ERBB4: variants seen among roughly 807,000 people sequenced by gnomAD.
ERBB4 encodes erb-b2 receptor tyrosine kinase 4, also known as receptor tyrosine-protein kinase erbB-4.
In ERBB4, 42 loss-of-function variants were observed where a neutral mutation model predicts 158.0. That is an observed-to-expected ratio of 0.27 (90% CI 0.21 to 0.34). The LOEUF is 0.34. ERBB4 is among the 10% of genes least tolerant of loss of function. ERBB4 has a pLI of 1.00. For missense variants in ERBB4, 1,333 were observed against 1,624.1 expected, an observed-to-expected ratio of 0.82 and a Z score of 3.08; for synonymous variants, 583 against 558.7, an observed-to-expected ratio of 1.04 and a Z score of -0.61.
intron 1 of ERBB4, among the ~76,000 whole-genome samples, chr2:212,408,755 T>G (rs960920220): frequency 9.2e-5 from 14 of 152,288 alleles, no homozygotes; most frequent in African/African-American, 3.4e-4. Flanking sequence ...TAGGATTTTT[T>G]CAAAGCTTCC....
At chr2:212,179,820 T>C (rs1226412032) in intron 1 of ERBB4, among the ~76,000 whole-genome samples, 1 of 151,626 alleles carries the variant, frequency 6.6e-6, no homozygotes, top group Non-Finnish European at 1.5e-5. Context: ...GTTGATCCTA[T>C]TGAATTACTG....
At chr2:211,751,138 A>G (rs1357206614) in intron 4 of ERBB4, among the ~76,000 whole-genome samples, 1 of 152,238 alleles carries the variant, frequency 6.6e-6, no homozygotes, top group Non-Finnish European at 1.5e-5. Context: ...AATCTATGAG[A>G]ACAAGAATAT....
chr2:212,016,473 T>G (rs950418733), intron 2 of ERBB4, among the ~76,000 whole-genome samples: 15 of 152,146 alleles, frequency 9.9e-5, no homozygotes, highest in African/African-American at 2.7e-4. Context: ...GCAGCTTTTA[T>G]TTTAAATTTA....
intron 1 of ERBB4, among the ~76,000 whole-genome samples, chr2:212,229,263 G>C (rs2083583291): frequency 6.6e-6 from 1 of 152,118 alleles, no homozygotes; most frequent in Non-Finnish European, 1.5e-5. Context: ...AACTAACCAA[G>C]TAAAAGGGGA....
intron 1 of ERBB4, among the ~76,000 whole-genome samples, chr2:212,527,173 T>C (rs964580318): frequency 6.6e-6 from 1 of 152,014 alleles, no homozygotes; most frequent in African/African-American, 2.4e-5. Context: ...AAATAAACCA[T>C]CTTAAAAACA....
intron 20 of ERBB4, among the ~76,000 whole-genome samples, chr2:211,476,368 G>T (rs557535007): frequency 6.6e-6 from 1 of 152,066 alleles, no homozygotes. Context: ...AGACAAAAGA[G>T]AATCACTGGG....
intron 3 of ERBB4, among the ~76,000 whole-genome samples, chr2:211,928,621 ACTGT>A (rs1452187697): frequency 2.0e-5 from 3 of 152,128 alleles, no homozygotes; most frequent in Non-Finnish European, 4.4e-5. Context: ...TTCTTTGCAA[ACTGT>A]CTGTTATGAA....
At chr2:211,921,710 G>A (rs1436527443) in intron 3 of ERBB4, among the ~76,000 whole-genome samples, 3 of 152,032 alleles carry the variant, frequency 2.0e-5, no homozygotes, top group Non-Finnish European at 4.4e-5. Context: ...GGATTGTCAG[G>A]GAAAGCCCTC....
chr2:211,575,917 T>C (rs1287228859), intron 19 of ERBB4, among the ~76,000 whole-genome samples: 1 of 152,142 alleles, frequency 6.6e-6, no homozygotes, highest in African/African-American at 2.4e-5. Context: ...TTATCTCCTC[T>C]ACTTTTATAA....
chr2:211,485,865 A>C lies in ERBB4; in HGVS notation c.2488-54765T>G, dbSNP rs537418893. Reference sequence around the variant, plus strand: ...AAAACTTAAAGTATAATAAAAAAAGAAAAAGAAAAGAAATAAAAGGCATTA... The same window carrying C: ...AAAACTTAAAGTATAATAAAAAAAGCAAAAGAAAAGAAATAAAAGGCATTA... On this transcript the variant is annotated intron_variant, in intron 20 of 27. Transcript: ENST00000342788. 3.8e-3 allele frequency among the ~76,000 whole-genome samples: 352 copies of C among 91,820 alleles called. 1 individual carries two copies. The highest frequency in any genetic ancestry group is 0.017 in the African/African-American group (332 of 19,592). The allele number at this position is 91,820 out of a possible 152,430, so 60.2% of individuals were successfully genotyped here. A position where few individuals can be genotyped will look rare whatever the true frequency, so the allele number is the denominator to read the frequency against.
intron 20 of ERBB4, among the ~76,000 whole-genome samples, chr2:211,506,885 G>A (rs374910445): frequency 4.7e-4 from 71 of 152,138 alleles, no homozygotes; most frequent in African/African-American, 1.6e-3. Context: ...AGAACTAAAT[G>A]AGATTGAGAC....
intron 2 of ERBB4, among the ~76,000 whole-genome samples, chr2:212,039,877 G>A (rs2077097882): frequency 6.6e-6 from 1 of 152,008 alleles, no homozygotes; most frequent in African/African-American, 2.4e-5. Context: ...GAAAAAAGGA[G>A]GAATCCATGT....
intron 1 of ERBB4, among the ~76,000 whole-genome samples, chr2:212,386,383 C>T (rs2090674870): frequency 6.6e-6 from 1 of 151,820 alleles, no homozygotes; most frequent in Non-Finnish European, 1.5e-5. Flanking sequence ...TGGGGAATGG[C>T]ACAATCATCT....
chr2:211,392,557 TC>T, intron 25 of ERBB4, among the ~76,000 whole-genome samples: 1 of 101,366 alleles, frequency 9.9e-6, no homozygotes, highest in Non-Finnish European at 2.0e-5. Context: ...ACTCTCTTAC[TC>T]CACACACACA....
At chr2:211,710,715 A>G (rs2073665572) in intron 9 of ERBB4, among the ~76,000 whole-genome samples, 1 of 151,790 alleles carries the variant, frequency 6.6e-6, no homozygotes, top group South Asian at 2.1e-4. Context: ...TGTTCTCATG[A>G]TAGTGAATAA....
intron 7 of ERBB4, among the ~76,000 whole-genome samples, chr2:211,714,565 T>A (rs1481042278): frequency 6.6e-6 from 1 of 152,192 alleles, no homozygotes. Context: ...ATATGCCATG[T>A]AGATTTATGG....
chr2:212,401,448 G>A (rs1336357791), intron 1 of ERBB4, among the ~76,000 whole-genome samples: 1 of 151,994 alleles, frequency 6.6e-6, no homozygotes, highest in Non-Finnish European at 1.5e-5. Context: ...AGCTCATATT[G>A]ATTTGAAATA....
chr2:211,920,930 T>G (rs1303412138), intron 3 of ERBB4, among the ~76,000 whole-genome samples: 1 of 151,932 alleles, frequency 6.6e-6, no homozygotes, highest in African/African-American at 2.4e-5. Flanking sequence ...TGAATTATGT[T>G]TATTAATACT....
intron 1 of ERBB4, among the ~76,000 whole-genome samples, chr2:212,252,315 A>G (rs1424881661): frequency 1.3e-5 from 2 of 152,078 alleles, no homozygotes; most frequent in African/African-American, 4.8e-5. Context: ...AATGAATGAA[A>G]GAGATTAAGA....
Sources: gnomAD v4.1 joint callset for allele counts (sites outside exome capture counted in the v4.1 genomes callset) on GRCh38, gnomAD v4.1.1 for gene constraint, MANE v1.5 for transcripts, NCBI Gene and HGNC (gene_info 2026-07-23, HGNC 2026-07-21) for gene names.